The following ZNF860 variants were observed in gnomAD, a reference collection of about 807,000 sequenced individuals.
The protein encoded by ZNF860 is zinc finger protein 860.
For synonymous variants in ZNF860, 206 were observed against 248.9 expected, an observed-to-expected ratio of 0.83 and a Z score of 1.62; for missense variants, 641 against 759.2, an observed-to-expected ratio of 0.84 and a Z score of 1.83.
At chr3:32,002,391 C>T in the ZNF860 span, among the ~76,000 whole-genome samples, 1 of 152,074 alleles carries the variant, frequency 6.6e-6, no homozygotes. Context: ...CAGTATGGGG[C>T]AAGGGGAGGA....
chr3:31,982,393 T>C (rs1157717058), intron 1 of ZNF860, among the ~76,000 whole-genome samples: 1 of 152,140 alleles, frequency 6.6e-6, no homozygotes, highest in Non-Finnish European at 1.5e-5. Flanking sequence ...AGGTGATAGA[T>C]GATAGGTGAT....
chr3:31,984,547 GA>G (rs1698907255), intron 1 of ZNF860, among the ~76,000 whole-genome samples: 1 of 152,084 alleles, frequency 6.6e-6, no homozygotes, highest in Admixed American at 6.5e-5. Flanking sequence ...TGCAGGGTAT[GA>G]AAAACACCTC....
chr3:31,989,321 A>G lies in ZNF860; in HGVS notation c.242A>G (p.Asn81Ser), dbSNP rs1698989452. The G allele has an allele frequency of 2.5e-6, 4 of 1,614,112 alleles. No individual in the cohort carries two copies. Among genetic ancestry groups the G allele is most frequent in the Non-Finnish European group, 3.4e-6 (4 of 1,180,034 alleles). Reference sequence around the variant, plus strand: ...AAGTTCTCATCAACAGCGCAAGGCAATACAGAAGTGGACACAGGGACATTA... The same window carrying G: ...AAGTTCTCATCAACAGCGCAAGGCAGTACAGAAGTGGACACAGGGACATTA... ...MKKFSSTAQG[N>S]TEVDTGTLER... Residue 81 changes from asparagine (N) to serine (S), a missense_variant, in exon 2 of 2, where the codon AAT (asparagine) becomes AGT (serine). Coordinates refer to ENST00000360311, the MANE Select transcript of ZNF860 (RefSeq NM_001137674.3).
the ZNF860 span, among the ~76,000 whole-genome samples, chr3:31,997,636 T>G: frequency 6.6e-6 from 1 of 151,724 alleles, no homozygotes; most frequent in East Asian, 1.9e-4. Flanking sequence ...TTTTTTGTTT[T>G]GTTTTTACTT....
chr3:31,984,563 A>G (rs1698907363), intron 1 of ZNF860, among the ~76,000 whole-genome samples: 1 of 152,144 alleles, frequency 6.6e-6, no homozygotes, highest in South Asian at 2.1e-4. Flanking sequence ...CACCTCAAAC[A>G]CAAATCTTAA....
At chr3:31,996,704 T>A (rs1176087544), downstream of ZNF860, among the ~76,000 whole-genome samples, 1 of 152,114 alleles carries the variant, frequency 6.6e-6, no homozygotes, top group Admixed American at 6.5e-5. Context: ...TCAAGTCAAT[T>A]TTTATAGGTT....
rs758705908 is a variant in ZNF860, at chr3:31,989,198, G to A, written c.119G>A (p.Cys40Tyr). The change falls in exon 2 of 2, where the codon TGC (cysteine) becomes TAC (tyrosine). Residue 40 changes from cysteine to tyrosine, a missense_variant. Coordinates refer to ENST00000360311, the MANE Select transcript of ZNF860 (RefSeq NM_001137674.3). ...AIEFSLEEWK[C>Y]LDPTQRALYR... ...GAATTCTCTTTGGAGGAGTGGAAATGCCTGGACCCTACGCAGAGGGCTTTA... is the reference window on the plus strand; with the variant it reads ...GAATTCTCTTTGGAGGAGTGGAAATACCTGGACCCTACGCAGAGGGCTTTA... The A allele has an allele frequency of 8.1e-6, 13 of 1,614,034 alleles. No homozygotes were observed. Among genetic ancestry groups the A allele is most frequent in the African/African-American group, 1.3e-5 (1 of 74,898 alleles).
chr3:32,001,482 C>A, the ZNF860 span, among the ~76,000 whole-genome samples: 1 of 152,042 alleles, frequency 6.6e-6, no homozygotes, highest in Admixed American at 6.6e-5. Context: ...TCCTGACTCT[C>A]GTGCAAATGT....
the ZNF860 span, among the ~76,000 whole-genome samples, chr3:32,004,117 T>C: frequency 6.6e-6 from 1 of 152,208 alleles, no homozygotes; most frequent in African/African-American, 2.4e-5. Context: ...AGTTTTAACT[T>C]ATATTATTTT....
chr3:31,987,133 C>T (rs369771653), intron 1 of ZNF860, among the ~76,000 whole-genome samples: 7 of 145,018 alleles, frequency 4.8e-5, no homozygotes, highest in East Asian at 2.1e-4. Context: ...CACACACACA[C>T]ATATATATAC....
At chr3:31,987,518 G>A (rs7612481) in intron 1 of ZNF860, among the ~76,000 whole-genome samples, 54,160 of 152,114 alleles carry the variant, frequency 0.36, 13,316 homozygotes, top group African/African-American at 0.69. Flanking sequence ...ATTAACCCCC[G>A]GAAAGTCTGA....
the ZNF860 span, among the ~76,000 whole-genome samples, chr3:32,004,256 G>T: frequency 2.0e-5 from 3 of 152,164 alleles, no homozygotes; most frequent in East Asian, 1.9e-4. Context: ...ATGAGTGTCA[G>T]GTGGAGACTT....
downstream of ZNF860, among the ~76,000 whole-genome samples, chr3:31,993,463 C>T (rs1353678546): frequency 1.3e-5 from 2 of 152,266 alleles, no homozygotes; most frequent in African/African-American, 4.8e-5. Flanking sequence ...CCGCCTCGGC[C>T]TCCCAAAGTG....
chr3:31,995,828 C>A (rs1046216204), downstream of ZNF860, among the ~76,000 whole-genome samples: 9 of 152,166 alleles, frequency 5.9e-5, no homozygotes, highest in Non-Finnish European at 1.5e-5. Flanking sequence ...TAAAGAGCCA[C>A]AGGAAGTCCC....
chr3:31,984,494 A>G (rs1698906325), intron 1 of ZNF860, among the ~76,000 whole-genome samples: 1 of 152,102 alleles, frequency 6.6e-6, no homozygotes, highest in Admixed American at 6.6e-5. Flanking sequence ...GGACCTGATG[A>G]GCCAGTTTAC....
In ZNF860 at chr3:31,989,056, A is replaced by G. The variant is rs1050172848; in HGVS notation, c.-24A>G. 6 of 1,613,364 alleles carry G rather than the reference A, an allele frequency of 3.7e-6. No homozygotes were observed. The highest frequency in any genetic ancestry group is 5.1e-6 in the Non-Finnish European group (6 of 1,179,544). ...ATCGCCTCAGTGAAGGTCACACTGC[A>G]GCACTATTGATTTCTAAAGACTCAT... On this transcript the variant is annotated 5_prime_UTR_variant, in exon 2 of 2. Transcript: ENST00000360311.
the ZNF860 span, among the ~76,000 whole-genome samples, chr3:31,998,938 G>A: frequency 6.6e-6 from 1 of 152,130 alleles, no homozygotes; most frequent in African/African-American, 2.4e-5. Context: ...TAGTATAAGT[G>A]GATATTTAAA....
At chr3:31,984,348 G>GTTT (rs144693842) in intron 1 of ZNF860, among the ~76,000 whole-genome samples, 6 of 145,544 alleles carry the variant, frequency 4.1e-5, no homozygotes, top group Non-Finnish European at 4.5e-5. Context: ...CCCACCTAAG[G>GTTT]TTTTTTTTTT....
Position 31,989,377 on chromosome 3 carries a change from T to A in ZNF860, c.298T>A (p.Phe100Ile), listed in dbSNP as rs2125519589. ...ERHESHHIGDFCFQKIGKDIH... is the reference protein window; with the variant it reads ...ERHESHHIGDICFQKIGKDIH... ...ACATGAAAGTCATCACATTGGAGAT[T>A]TTTGCTTCCAGAAAATTGGGAAAGA... Residue 100 changes from phenylalanine to isoleucine, a missense_variant, in exon 2 of 2, where the codon TTT becomes ATT. By Grantham distance (21) the Phe-to-Ile change is conservative. Coordinates refer to ENST00000360311, the MANE Select transcript of ZNF860 (RefSeq NM_001137674.3). The A allele has an allele frequency of 6.2e-7, 1 of 1,614,172 alleles. No individual in the cohort carries two copies. The highest frequency in any genetic ancestry group is 8.5e-7 in the Non-Finnish European group (1 of 1,180,028).
Sources: allele counts gnomAD v4.1 joint callset (sites outside exome capture counted in the v4.1 genomes callset), GRCh38; gene constraint gnomAD v4.1.1; transcripts MANE v1.5; gene names NCBI Gene and HGNC (gene_info 2026-07-23, HGNC 2026-07-21).